The following AFG2A variants were observed in gnomAD, a reference collection of about 807,000 sequenced individuals.
AFG2A encodes the protein ATPase family gene 2 protein homolog A.
the AFG2A span, chr4:122,927,737 T>C: frequency 6.2e-7 from 1 of 1,613,050 alleles, no homozygotes; most frequent in Non-Finnish European, 8.5e-7. Context: ...TGTTGCTTAC[T>C]AGTTTGAACG....
At chr4:123,215,113 C>T in the AFG2A span, among the ~76,000 whole-genome samples, 1 of 152,032 alleles carries the variant, frequency 6.6e-6, no homozygotes, top group African/African-American at 2.4e-5. Flanking sequence ...GATATAGAAA[C>T]ATTCCATTTC....
the AFG2A span, among the ~76,000 whole-genome samples, chr4:123,153,265 G>A: frequency 6.6e-6 from 1 of 152,284 alleles, no homozygotes; most frequent in South Asian, 2.1e-4. Flanking sequence ...TGGCAGCCGA[G>A]TTCCAAGGCA....
the AFG2A span, chr4:122,927,713 T>C: frequency 6.2e-7 from 1 of 1,613,422 alleles, no homozygotes; most frequent in East Asian, 2.2e-5. Context: ...CAAATATATG[T>C]ATAGGTCGAC....
chr4:123,187,834 A>G, the AFG2A span, among the ~76,000 whole-genome samples: 1 of 152,070 alleles, frequency 6.6e-6, no homozygotes, highest in Admixed American at 6.6e-5. Flanking sequence ...CATCTGTCCA[A>G]AAAATACAAA....
the AFG2A span, among the ~76,000 whole-genome samples, chr4:123,291,548 G>A: frequency 1.3e-5 from 2 of 152,170 alleles, no homozygotes; most frequent in African/African-American, 4.8e-5. Context: ...TTGCTTGTCT[G>A]GGAAAGTTTC....
chr4:123,271,250 T>C, the AFG2A span, among the ~76,000 whole-genome samples: 1 of 152,204 alleles, frequency 6.6e-6, no homozygotes, highest in African/African-American at 2.4e-5. Flanking sequence ...TTCATGCTCA[T>C]TTGCCGTTTA....
the AFG2A span, among the ~76,000 whole-genome samples, chr4:123,304,861 C>T: frequency 6.6e-6 from 1 of 152,160 alleles, no homozygotes; most frequent in Non-Finnish European, 1.5e-5. Context: ...TGAGGGGTGT[C>T]TCCCTCCTCC....
chr4:123,091,182 C>G, the AFG2A span, among the ~76,000 whole-genome samples: 2 of 152,286 alleles, frequency 1.3e-5, no homozygotes, highest in East Asian at 3.9e-4. Flanking sequence ...CCGGTCCCTC[C>G]CTGTCTCAGG....
At chr4:123,005,588 A>C in the AFG2A span, among the ~76,000 whole-genome samples, 45 of 151,904 alleles carry the variant, frequency 3.0e-4, no homozygotes, top group Admixed American at 2.6e-3. Flanking sequence ...GTGGTTACTG[A>C]TTTTAGATCT....
the AFG2A span, among the ~76,000 whole-genome samples, chr4:123,265,485 T>A: frequency 6.6e-6 from 1 of 152,140 alleles, no homozygotes; most frequent in Non-Finnish European, 1.5e-5. Flanking sequence ...GCAACAAAAG[T>A]ACATTCAGCT....
chr4:123,050,486 C>T, the AFG2A span, among the ~76,000 whole-genome samples: 1 of 152,170 alleles, frequency 6.6e-6, no homozygotes, highest in Non-Finnish European at 1.5e-5. Context: ...GGGTGCTCCA[C>T]TGTTGGGTGC....
At chr4:123,220,562 T>G in the AFG2A span, among the ~76,000 whole-genome samples, 5 of 129,392 alleles carry the variant, frequency 3.9e-5, no homozygotes, top group Non-Finnish European at 7.6e-5. Flanking sequence ...TGCAGTGAGC[T>G]GAGATGGCAG....
chr4:122,927,783 G>A, the AFG2A span: 1 of 1,608,734 alleles, frequency 6.2e-7, no homozygotes, highest in Non-Finnish European at 8.5e-7. Flanking sequence ...CATTTCCTTA[G>A]TTTAGAAATA....
chr4:122,959,212 G>T, the AFG2A span, among the ~76,000 whole-genome samples: 1 of 152,144 alleles, frequency 6.6e-6, no homozygotes, highest in South Asian at 2.1e-4. Flanking sequence ...TAAATTTAGG[G>T]ATTGAAATTC....
chr4:123,102,690 T>G, the AFG2A span, among the ~76,000 whole-genome samples: 2 of 151,938 alleles, frequency 1.3e-5, no homozygotes, highest in Non-Finnish European at 2.9e-5. Context: ...AATCTGGGAC[T>G]ATATGTTGAA....
the AFG2A span, among the ~76,000 whole-genome samples, chr4:123,138,547 A>G: frequency 6.6e-6 from 1 of 152,198 alleles, no homozygotes; most frequent in Non-Finnish European, 1.5e-5. Flanking sequence ...TTTGGAATCA[A>G]AACAATTTGT....
the AFG2A span, among the ~76,000 whole-genome samples, chr4:123,188,677 A>G: frequency 6.6e-6 from 1 of 152,168 alleles, no homozygotes. Context: ...CTTGATTGAC[A>G]TCACTTCTGT....
chr4:123,282,810 G>A, the AFG2A span, among the ~76,000 whole-genome samples: 2 of 147,058 alleles, frequency 1.4e-5, no homozygotes, highest in African/African-American at 2.5e-5. Flanking sequence ...AAGCAGGGGG[G>A]AGAAAAGAAG....
chr4:123,247,582 A>ATGTTTGTTTGTTTGTTTGTT, the AFG2A span, among the ~76,000 whole-genome samples: 166 of 149,614 alleles, frequency 1.1e-3, 1 homozygote, highest in Admixed American at 2.7e-3. Flanking sequence ...GCTAATTTTT[A>ATGTTTGTTTGTTTGTTTGTT]TGTTTGTTTG....
Sources: gnomAD v4.1 joint callset for allele counts (sites outside exome capture counted in the v4.1 genomes callset) on GRCh38, gnomAD v4.1.1 for gene constraint, MANE v1.5 for transcripts, NCBI Gene and HGNC (gene_info 2026-07-23, HGNC 2026-07-21) for gene names.